Variants in AGBL4 observed in about 807,000 individuals in gnomAD.
The protein encoded by AGBL4 is AGBL carboxypeptidase 4.
AGBL4 carries 58 observed loss-of-function variants against 66.4 expected under a neutral mutation model. The ratio of observed to expected loss-of-function variants is 0.87; its 90% confidence interval spans 0.71 to 1.09. The LOEUF (loss-of-function observed/expected upper bound fraction) is 1.09, where lower values mean the gene tolerates loss of function less well. Among genes scored for constraint, AGBL4 ranks in the 50% least tolerant of loss-of-function variants. The pLI is 0.00. For missense variants in AGBL4, 579 were observed against 631.0 expected (o/e 0.92, Z 0.88); for synonymous variants, 234 against 222.9 (o/e 1.05, Z -0.44).
chr1:49,910,926 C>T (rs914176186), intron 1 of AGBL4, among the ~76,000 whole-genome samples: 5 of 152,040 alleles, frequency 3.3e-5, no homozygotes, highest in East Asian at 1.9e-4. Flanking sequence ...CAGTGAGCTG[C>T]GATCATGCCA....
At chr1:49,653,234 G>T (rs1646046367) in intron 3 of AGBL4, among the ~76,000 whole-genome samples, 1 of 152,032 alleles carries the variant, frequency 6.6e-6, no homozygotes, top group South Asian at 2.1e-4. Flanking sequence ...TAAGGAAGAG[G>T]GGTCTGATTG....
At chr1:49,874,153 C>A (rs566954497) in intron 1 of AGBL4, among the ~76,000 whole-genome samples, 1 of 152,042 alleles carries the variant, frequency 6.6e-6, no homozygotes, top group South Asian at 2.1e-4. Context: ...AAAAACTGAA[C>A]ATCTTTTTAA....
intron 9 of AGBL4, among the ~76,000 whole-genome samples, chr1:48,592,576 A>ATTTT (rs1474713732): frequency 2.6e-5 from 4 of 152,236 alleles, no homozygotes; most frequent in Non-Finnish European, 4.4e-5. Flanking sequence ...GAGCCCTATA[A>ATTTT]AAGTCATCTT....
At chr1:49,965,348 G>A (rs1202277629) in intron 1 of AGBL4, among the ~76,000 whole-genome samples, 1 of 152,132 alleles carries the variant, frequency 6.6e-6, no homozygotes, top group African/African-American at 2.4e-5. Flanking sequence ...CTCAAGCCCT[G>A]ATTTTCAGCT....
intron 9 of AGBL4, among the ~76,000 whole-genome samples, chr1:48,595,311 G>C (rs1283571946): frequency 1.3e-5 from 2 of 152,172 alleles, no homozygotes; most frequent in Non-Finnish European, 2.9e-5. Flanking sequence ...CCAGAACACG[G>C]CCTGGTATAT....
intron 5 of AGBL4, among the ~76,000 whole-genome samples, chr1:48,991,638 T>C (rs1857336): frequency 0.56 from 84,839 of 151,818 alleles, 24,223 homozygotes; most frequent in Non-Finnish European, 0.61. Flanking sequence ...GATACTTCCC[T>C]AGTCTTGTAG....
intron 8 of AGBL4, among the ~76,000 whole-genome samples, chr1:48,650,968 T>C (rs1278244311): frequency 1.3e-5 from 2 of 152,196 alleles, no homozygotes; most frequent in Non-Finnish European, 2.9e-5. Context: ...CACCAAACCA[T>C]GGAAGTACTG....
At chr1:49,883,741 T>G (rs1647691699) in intron 1 of AGBL4, among the ~76,000 whole-genome samples, 1 of 152,002 alleles carries the variant, frequency 6.6e-6, no homozygotes, top group African/African-American at 2.4e-5. Context: ...ACATTTACAG[T>G]GTATTAAGAT....
chr1:49,462,555 G>A (rs1646538429), intron 3 of AGBL4, among the ~76,000 whole-genome samples: 1 of 151,696 alleles, frequency 6.6e-6, no homozygotes, highest in South Asian at 2.1e-4. Context: ...AAAGGGAAAT[G>A]GATCAGCTGC....
intron 1 of AGBL4, among the ~76,000 whole-genome samples, chr1:49,877,346 T>G (rs1203430627): frequency 3.9e-5 from 6 of 151,984 alleles, no homozygotes; most frequent in Admixed American, 3.9e-4. Flanking sequence ...AATACCTAAT[T>G]TATTGAGAGT....
At chr1:49,102,259 A>G (rs1645216052) in intron 4 of AGBL4, among the ~76,000 whole-genome samples, 2 of 152,186 alleles carry the variant, frequency 1.3e-5, no homozygotes, top group Non-Finnish European at 2.9e-5. Context: ...CAGTACTATC[A>G]GACACTATTT....
intron 1 of AGBL4, among the ~76,000 whole-genome samples, chr1:49,871,902 A>G (rs1351688710): frequency 6.6e-6 from 1 of 152,048 alleles, no homozygotes; most frequent in Admixed American, 6.6e-5. Flanking sequence ...AGAGGAGTTT[A>G]TAATCAGCTC....
At chr1:48,537,636 A>G (rs879453243) in intron 12 of AGBL4, among the ~76,000 whole-genome samples, 1 of 152,196 alleles carries the variant, frequency 6.6e-6, no homozygotes, top group African/African-American at 2.4e-5. Flanking sequence ...CTAGAGGATC[A>G]CTAAGGTCTC....
At chr1:48,656,295 T>C (rs1201936420) in intron 7 of AGBL4, among the ~76,000 whole-genome samples, 2 of 152,250 alleles carry the variant, frequency 1.3e-5, no homozygotes, top group Non-Finnish European at 2.9e-5. Context: ...CTACAGTGTT[T>C]GGTTTAGGGC....
chr1:49,005,034 G>C (rs1661676197), intron 5 of AGBL4, among the ~76,000 whole-genome samples: 1 of 152,156 alleles, frequency 6.6e-6, no homozygotes, highest in Non-Finnish European at 1.5e-5. Context: ...GGTATAGGCA[G>C]AGCCAAGACT....
At chr1:48,877,479 G>T (rs1307059915) in intron 5 of AGBL4, among the ~76,000 whole-genome samples, 1 of 151,928 alleles carries the variant, frequency 6.6e-6, no homozygotes, top group Non-Finnish European at 1.5e-5. Flanking sequence ...AAATCTCTCT[G>T]AAACACCACA....
chr1:49,771,700 A>C (rs1291918561), intron 2 of AGBL4, among the ~76,000 whole-genome samples: 4 of 152,130 alleles, frequency 2.6e-5, no homozygotes, highest in Non-Finnish European at 5.9e-5. Flanking sequence ...ATATATTTAC[A>C]ATTGTTACAC....
At chr1:48,850,080 TC>T (rs1338850135) in intron 6 of AGBL4, among the ~76,000 whole-genome samples, 1 of 152,244 alleles carries the variant, frequency 6.6e-6, no homozygotes, top group Non-Finnish European at 1.5e-5. Context: ...GCAGCCCCTG[TC>T]TGGGCTTCAG....
At chr1:48,932,058 G>A (rs182750343) in intron 5 of AGBL4, among the ~76,000 whole-genome samples, 2 of 152,194 alleles carry the variant, frequency 1.3e-5, no homozygotes, top group African/African-American at 4.8e-5. Context: ...CATCCACTCA[G>A]GATGGTCCCT....
Sources: allele counts gnomAD v4.1 joint callset (sites outside exome capture counted in the v4.1 genomes callset), GRCh38; gene constraint gnomAD v4.1.1; transcripts MANE v1.5; gene names NCBI Gene and HGNC (gene_info 2026-07-23, HGNC 2026-07-21).